Variants in SLC22A24 observed in about 807,000 individuals in gnomAD.
SLC22A24 encodes the protein solute carrier family 22 member 24.
SLC22A24 carries 53 observed loss-of-function variants against 49.8 expected under a neutral mutation model. That is an observed-to-expected ratio of 1.06 (90% CI 0.85 to 1.34). SLC22A24 has a LOEUF of 1.34. Ranked by LOEUF, SLC22A24 falls within the 40% of genes most tolerant of loss-of-function variation. The pLI, the probability that SLC22A24 is intolerant of heterozygous loss-of-function variation, is 0.00. For missense variants in SLC22A24, 786 were observed against 675.9 expected, an observed-to-expected ratio of 1.16 and a Z score of -1.81; for synonymous variants, 302 against 256.4, an observed-to-expected ratio of 1.18 and a Z score of -1.70.
chr11:63,103,947 A>T (rs534391799), intron 5 of SLC22A24, among the ~76,000 whole-genome samples: 1 of 152,308 alleles, frequency 6.6e-6, no homozygotes, highest in African/African-American at 2.4e-5. Context: ...AGAGCATGAA[A>T]ATTTCCCAAT....
At chr11:63,088,770 T>TC (rs1235217390) in intron 6 of SLC22A24, among the ~76,000 whole-genome samples, 1 of 151,846 alleles carries the variant, frequency 6.6e-6, no homozygotes, top group African/African-American at 2.4e-5. Context: ...CATGAGAACT[T>TC]CATGAAGTAC....
At chr11:63,115,393 G>T (rs1349843037) in intron 4 of SLC22A24, among the ~76,000 whole-genome samples, 5 of 152,210 alleles carry the variant, frequency 3.3e-5, no homozygotes. Context: ...AGTATCTCCT[G>T]GTCTGCTGGT....
At chr11:63,090,787 G>GA (rs2087015960) in intron 6 of SLC22A24, among the ~76,000 whole-genome samples, 1 of 151,876 alleles carries the variant, frequency 6.6e-6, no homozygotes, top group East Asian at 1.9e-4. Context: ...GCAGTGTTAA[G>GA]AAAGAAATTT....
intron 5 of SLC22A24, among the ~76,000 whole-genome samples, chr11:63,103,040 T>C (rs2134650455): frequency 6.6e-6 from 1 of 152,310 alleles, no homozygotes; most frequent in South Asian, 2.1e-4. Context: ...CGAACTTAAT[T>C]GAAATTCTGG....
At chr11:63,118,110 G>A (rs1049043391) in intron 4 of SLC22A24, among the ~76,000 whole-genome samples, 11 of 152,138 alleles carry the variant, frequency 7.2e-5, no homozygotes, top group Non-Finnish European at 1.5e-4. Flanking sequence ...CTTCCAAATA[G>A]GGTCTTAGGG....
intron 1 of SLC22A24, among the ~76,000 whole-genome samples, chr11:63,140,067 GTTTT>G (rs1380222699): frequency 8.9e-6 from 1 of 112,142 alleles, no homozygotes; most frequent in African/African-American, 3.1e-5. Flanking sequence ...CAGTTTTTTT[GTTTT>G]TTTGTTTTTT....
At chr11:63,113,987 C>A (rs553993661) in intron 4 of SLC22A24, among the ~76,000 whole-genome samples, 5 of 152,002 alleles carry the variant, frequency 3.3e-5, no homozygotes, top group Non-Finnish European at 5.9e-5. Context: ...TCTCTGGCTG[C>A]CCTTAACATT....
chr11:63,080,125 A>G (rs536201251), intron 9 of SLC22A24, 125 bp from the exon 10 acceptor site: 5 of 614,544 alleles, frequency 8.1e-6, no homozygotes, highest in African/African-American at 1.8e-5. Flanking sequence ...ATTGTAATCC[A>G]AGATTCTCTA....
intron 2 of SLC22A24, among the ~76,000 whole-genome samples, chr11:63,124,998 A>G (rs1292733936): frequency 6.6e-6 from 1 of 151,946 alleles, no homozygotes; most frequent in Non-Finnish European, 1.5e-5. Flanking sequence ...GATATACCTA[A>G]TGCTAAATGA....
intron 2 of SLC22A24, among the ~76,000 whole-genome samples, chr11:63,132,477 C>A (rs972630840): frequency 2.6e-5 from 4 of 152,096 alleles, no homozygotes; most frequent in African/African-American, 4.8e-5. Context: ...GTGTAGAAGT[C>A]CTTTTTGTTG....
chr11:63,143,585 C>A lies in SLC22A24; in HGVS notation c.195G>T (p.Gly65=). Residue 65 remains glycine (G), a synonymous_variant, in exon 1 of 10, where the codon GGG becomes GGT. Transcript: ENST00000612278. Reference sequence around the variant, plus strand: ...TCAGGAGGTCATCCTTGCTGAGGGTCCCGGTATCATTGTCAGACACAGTGT... The same window carrying A: ...TCAGGAGGTCATCCTTGCTGAGGGTACCGGTATCATTGTCAGACACAGTGT... The part of the protein sequence containing the change: ...DNDTVSDNDT[G]TLSKDDLLRI... 1.3e-6 allele frequency: 2 copies of A among 1,569,868 alleles called. No homozygotes were observed. Among genetic ancestry groups the A allele is most frequent in the Non-Finnish European group, 1.7e-6 (2 of 1,159,116 alleles).
chr11:63,137,316 T>C (rs150158000), intron 1 of SLC22A24, among the ~76,000 whole-genome samples: 11 of 152,200 alleles, frequency 7.2e-5, no homozygotes, highest in African/African-American at 2.2e-4. Flanking sequence ...AGGCCTGCTG[T>C]CCATCTCATC....
chr11:63,130,217 G>A (rs1310947329), intron 2 of SLC22A24, among the ~76,000 whole-genome samples: 2 of 152,178 alleles, frequency 1.3e-5, no homozygotes, highest in Non-Finnish European at 2.9e-5. Flanking sequence ...GGTCTTTTCT[G>A]CATCTATTGA....
At chr11:63,141,609 A>T (rs1363000008) in intron 1 of SLC22A24, among the ~76,000 whole-genome samples, 1 of 152,182 alleles carries the variant, frequency 6.6e-6, no homozygotes, top group Non-Finnish European at 1.5e-5. Context: ...GTCACTTTCT[A>T]ACAGGCCCAG....
At chr11:63,094,077 G>C (rs1482066577) in intron 6 of SLC22A24, among the ~76,000 whole-genome samples, 2 of 151,550 alleles carry the variant, frequency 1.3e-5, no homozygotes, top group Non-Finnish European at 2.9e-5. Flanking sequence ...TGCCATGTTG[G>C]TGTGCTGCAC....
chr11:63,080,882 C>G, intron 9 of SLC22A24, 38 bp downstream of exon 9: 1 of 1,514,860 alleles, frequency 6.6e-7, no homozygotes, highest in Non-Finnish European at 9.0e-7. Context: ...AGCACATAGC[C>G]ACTCCCCACT....
At chr11:63,138,506 G>A (rs574725784) in intron 1 of SLC22A24, among the ~76,000 whole-genome samples, 1 of 151,936 alleles carries the variant, frequency 6.6e-6, no homozygotes, top group South Asian at 2.1e-4. Flanking sequence ...GCCGGGTGTG[G>A]TGGCGGGCAC....
At chr11:63,081,308 T>C (rs767015060) in intron 8 of SLC22A24, among the ~76,000 whole-genome samples, 185 bp from the exon 9 acceptor site, 5 of 152,224 alleles carry the variant, frequency 3.3e-5, no homozygotes, top group African/African-American at 1.2e-4. Flanking sequence ...ATAATGTTGG[T>C]AACTGCTCTT....
chr11:63,119,222 C>T lies in SLC22A24; in HGVS notation c.620G>A (p.Gly207Glu), dbSNP rs550709193. 1 of 1,549,902 alleles carries T rather than the reference C, an allele frequency of 6.5e-7. No homozygotes were observed. The highest frequency in any genetic ancestry group is 1.2e-5 in the South Asian group (1 of 83,496). Reference protein sequence around the residue: ...LVYCILRFLAGFSTMTILGNT... With the variant: ...LVYCILRFLAEFSTMTILGNT... ...TCCCAAAATAGTCATGGTGGAGAAC[C>T]CTGCCAAGAAGCGCAGTATGCAGTA... Residue 207 changes from glycine (G) to glutamate (E), a missense_variant, in exon 3 of 10, where the codon GGG becomes GAG. Coordinates refer to ENST00000612278, the MANE Select transcript of SLC22A24 (RefSeq NM_001136506.2).
Sources: gnomAD v4.1 joint callset for allele counts (sites outside exome capture counted in the v4.1 genomes callset) on GRCh38, gnomAD v4.1.1 for gene constraint, MANE v1.5 for transcripts, NCBI Gene and HGNC (gene_info 2026-07-23, HGNC 2026-07-21) for gene names.